Variants in MAN1C1 observed in about 807,000 individuals in gnomAD.
The protein encoded by MAN1C1 is mannosidase alpha class 1C member 1, also known as mannosyl-oligosaccharide 1,2-alpha-mannosidase IC.
Under a neutral mutation model 71.5 loss-of-function variants are expected in MAN1C1, and 49 were observed. That is an observed-to-expected ratio of 0.69 (90% confidence interval 0.54 to 0.87). MAN1C1 has a LOEUF of 0.87. Ranked by LOEUF, MAN1C1 falls within the 40% of genes least tolerant of loss-of-function variation. The pLI is 0.00. For synonymous variants in MAN1C1, 352 were observed against 343.7 expected, an observed-to-expected ratio of 1.02 and a Z score of -0.27; for missense variants, 743 against 835.0, an observed-to-expected ratio of 0.89 and a Z score of 1.36.
chr1:25,720,884 A>T (rs2046753463), intron 2 of MAN1C1, among the ~76,000 whole-genome samples: 1 of 152,152 alleles, frequency 6.6e-6, no homozygotes, highest in South Asian at 2.1e-4. Flanking sequence ...ATTCTTTTGC[A>T]TGTGGATATC....
intron 1 of MAN1C1, among the ~76,000 whole-genome samples, chr1:25,656,108 T>C (rs1188491927): frequency 7.5e-6 from 1 of 133,520 alleles, no homozygotes; most frequent in Non-Finnish European, 1.5e-5. Flanking sequence ...TTTTTTTTTT[T>C]TTTTTTTTTG....
In MAN1C1 at chr1:25,657,797, C is replaced by T. The variant is rs9887970; in HGVS notation, c.541-28643C>T. Reference sequence around the variant, plus strand: ...TCAGTAAGTTATTACTGGCTACCAGCGCCTTGTATATATCATCCTCACTAG... The same window carrying T: ...TCAGTAAGTTATTACTGGCTACCAGTGCCTTGTATATATCATCCTCACTAG... On this transcript the variant is annotated intron_variant, in intron 1 of 11. Coordinates refer to ENST00000374332, the MANE Select transcript of MAN1C1 (RefSeq NM_020379.4). 7.5e-3 allele frequency among the ~76,000 whole-genome samples: 1,143 copies of T among 152,298 alleles called. 13 individuals are homozygous for T. The highest frequency in any genetic ancestry group is 0.025 in the African/African-American group (1,046 of 41,544).
At chr1:25,718,174 G>A (rs377399433) in intron 2 of MAN1C1, among the ~76,000 whole-genome samples, 1 of 152,086 alleles carries the variant, frequency 6.6e-6, no homozygotes, top group Non-Finnish European at 1.5e-5. Flanking sequence ...TTTGTTTTCT[G>A]TAGAGTTAAT....
At chr1:25,688,417 A>G (rs187272754) in intron 2 of MAN1C1, among the ~76,000 whole-genome samples, 19 of 152,260 alleles carry the variant, frequency 1.2e-4, no homozygotes, top group Non-Finnish European at 2.4e-4. Flanking sequence ...CTCTAAACAC[A>G]GTTTGCAAAT....
chr1:25,687,001 C>T (rs930732817), intron 2 of MAN1C1, among the ~76,000 whole-genome samples: 2 of 152,008 alleles, frequency 1.3e-5, no homozygotes, highest in Admixed American at 1.3e-4. Flanking sequence ...GGGGGCCGGG[C>T]GTGGTGGCCT....
At chr1:25,687,139 G>C (rs758553536) in intron 2 of MAN1C1, among the ~76,000 whole-genome samples, 1 of 152,130 alleles carries the variant, frequency 6.6e-6, no homozygotes, top group African/African-American at 2.4e-5. Flanking sequence ...AAACAAAAGG[G>C]TATAGAGTCA....
At chr1:25,761,086 A>T (rs945772620) in intron 6 of MAN1C1, 2 of 152,042 alleles carry the variant, frequency 1.3e-5, no homozygotes, top group Admixed American at 1.3e-4. Flanking sequence ...AAGTCACCAG[A>T]CCTCTCTGAG....
At chr1:25,720,837 T>A (rs1055171583) in intron 2 of MAN1C1, among the ~76,000 whole-genome samples, 6 of 152,218 alleles carry the variant, frequency 3.9e-5, no homozygotes, top group Admixed American at 3.3e-4. Flanking sequence ...ATTTCGAGTT[T>A]ATTTGGGGTT....
rs374666444 is a variant in MAN1C1 at position 25,649,874 on chromosome 1, G to T, written c.540+31537G>T. Among the ~76,000 whole-genome samples the T allele has an allele frequency of 6.6e-5, 10 of 152,324 alleles. No individual in the cohort carries two copies. In the East Asian group the frequency reaches 1.9e-3, roughly 29 times the overall value. On this transcript the variant is annotated intron_variant, in intron 1 of 11. Transcript: ENST00000374332. ...GCTGGTCTGGAACTCCTGGCCTCAA[G>T]TGATCCGTCTGTCTCAGCCTCCCAA...
chr1:25,766,912 C>T (rs1037649255), intron 7 of MAN1C1, among the ~76,000 whole-genome samples: 3 of 151,960 alleles, frequency 2.0e-5, no homozygotes, highest in Non-Finnish European at 4.4e-5. Context: ...GGCTTGTGGC[C>T]CAGCCTCCTG....
At position 25,768,574 on chromosome 1, in the gene MAN1C1, A is replaced by C. The variant is rs1353419967; in HGVS notation, c.1142-3083A>C. On this transcript the variant is annotated intron_variant, in intron 7 of 11. Coordinates refer to ENST00000374332, the MANE Select transcript of MAN1C1 (RefSeq NM_020379.4). ...CACACACATTACATACACTCCCCCC[A>C]CACACAGACCCACACACCCACACTC... is the stretch of plus-strand genomic sequence containing the variant. Among the ~76,000 whole-genome samples the C allele has an allele frequency of 7.1e-3, 142 of 20,056 alleles. 2 individuals are homozygous for C. The highest frequency in any genetic ancestry group is 0.017 in the South Asian group (4 of 236). The allele number at this position is 20,056 out of a possible 152,430, so 13.2% of individuals were successfully genotyped here. A position where few individuals can be genotyped will look rare whatever the true frequency, so the allele number is the denominator to read the frequency against.
intron 2 of MAN1C1, among the ~76,000 whole-genome samples, chr1:25,741,210 G>A (rs919441130): frequency 2.0e-5 from 3 of 152,056 alleles, no homozygotes; most frequent in Non-Finnish European, 2.9e-5. Flanking sequence ...TCAAACTCCT[G>A]ACCTCATGAT....
At chr1:25,630,948 T>TTTGC (rs1264383600) in intron 1 of MAN1C1, among the ~76,000 whole-genome samples, 1 of 97,678 alleles carries the variant, frequency 1.0e-5, no homozygotes, top group Non-Finnish European at 2.4e-5. Context: ...GTACTATGTT[T>TTTGC]TTGTTTGTTT....
intron 5 of MAN1C1, among the ~76,000 whole-genome samples, chr1:25,756,055 A>G (rs807260): frequency 0.64 from 96,730 of 152,076 alleles, 31,876 homozygotes; most frequent in Middle Eastern, 0.83. Flanking sequence ...AATGGTATCT[A>G]CCTCCGAAGT....
At chr1:25,697,801 T>G (rs1375731179) in intron 2 of MAN1C1, among the ~76,000 whole-genome samples, 1 of 152,212 alleles carries the variant, frequency 6.6e-6, no homozygotes, top group Non-Finnish European at 1.5e-5. Context: ...AGTTGGAGGC[T>G]GCCAGATTTC....
At position 25,617,191 on chromosome 1, in the gene MAN1C1, C is replaced by T. The variant is rs2045111663; in HGVS notation, c.-607C>T. ...CCAGCTCCCGGCGCCCTCTCCGCGGCGGAGAAAGTTGTGGACGTGTCCCGA... is the reference window on the plus strand; with the variant it reads ...CCAGCTCCCGGCGCCCTCTCCGCGGTGGAGAAAGTTGTGGACGTGTCCCGA... On this transcript the variant is annotated 5_prime_UTR_variant, in exon 1 of 12. Transcript: ENST00000374332. The surrounding 1 kb of genome is among the most constrained non-coding windows in gnomAD (Gnocchi z 5.1). 6.6e-6 allele frequency among the ~76,000 whole-genome samples: 1 copy of T among 151,824 alleles called. No homozygotes were observed.
chr1:25,712,748 G>A (rs1233880107), intron 2 of MAN1C1, among the ~76,000 whole-genome samples: 1 of 152,172 alleles, frequency 6.6e-6, no homozygotes, highest in East Asian at 1.9e-4. Flanking sequence ...AGTGCCCTGG[G>A]GTGACTTTCA....
chr1:25,732,247 C>T (rs574847590), intron 2 of MAN1C1, among the ~76,000 whole-genome samples: 21 of 152,208 alleles, frequency 1.4e-4, no homozygotes, highest in South Asian at 1.2e-3. Context: ...AGGAGGTAGC[C>T]TGTGGTCTCA....
chr1:25,628,214 T>C (rs918056181), intron 1 of MAN1C1, among the ~76,000 whole-genome samples: 6 of 152,166 alleles, frequency 3.9e-5, no homozygotes, highest in Admixed American at 3.3e-4. Context: ...AAGAGAGCTT[T>C]AATGTATTTT....
Sources: allele counts gnomAD v4.1 joint callset (sites outside exome capture counted in the v4.1 genomes callset), GRCh38; gene constraint gnomAD v4.1.1; non-coding constraint Gnocchi (gnomAD v3.1); transcripts MANE v1.5; gene names NCBI Gene and HGNC (gene_info 2026-07-23, HGNC 2026-07-21).